Variants in GSAP observed in about 807,000 individuals in gnomAD.
The protein encoded by GSAP is gamma-secretase activating protein.
In GSAP, 118 loss-of-function variants were observed where a neutral mutation model predicts 131.7. The observed-to-expected ratio is 0.90, with a 90% CI of 0.77 to 1.04. GSAP has a LOEUF of 1.04. GSAP is among the 50% of genes least tolerant of loss of function. The pLI, the probability that GSAP is intolerant of heterozygous loss-of-function variation, is 0.00. For synonymous variants in GSAP, 381 were observed against 363.4 expected, an observed-to-expected ratio of 1.05 and a Z score of -0.55; for missense variants, 1,019 against 1,013.2, an observed-to-expected ratio of 1.01 and a Z score of -0.08.
At chr7:77,312,567 C>T (rs6974089) in intron 28 of GSAP, among the ~76,000 whole-genome samples, 1,936 of 152,256 alleles carry the variant, frequency 0.013, 33 homozygotes, top group African/African-American at 0.041. Context: ...ATTGTCTTGC[C>T]TAGAAAATTT....
At chr7:77,370,119 C>G (rs562658464) in intron 12 of GSAP, among the ~76,000 whole-genome samples, 77 of 152,246 alleles carry the variant, frequency 5.1e-4, no homozygotes, top group Admixed American at 3.3e-3. Flanking sequence ...AAAAGCCACA[C>G]TGGATTAAAG....
At chr7:77,379,760 G>T in intron 8 of GSAP, 1 of 481,952 alleles carries the variant, frequency 2.1e-6, no homozygotes, top group Non-Finnish European at 2.7e-6. Flanking sequence ...GGCCCTCTCT[G>T]TCCTTGTGCT....
intron 6 of GSAP, among the ~76,000 whole-genome samples, chr7:77,384,265 G>A (rs972929420): frequency 1.3e-5 from 2 of 152,216 alleles, no homozygotes; most frequent in Non-Finnish European, 2.9e-5. Flanking sequence ...CATGGACTGA[G>A]GTGCTGAAGA....
chr7:77,401,805 C>T (rs1262231305), intron 3 of GSAP, among the ~76,000 whole-genome samples: 1 of 152,164 alleles, frequency 6.6e-6, no homozygotes, highest in Non-Finnish European at 1.5e-5. Context: ...CAATCAAAAA[C>T]ACAGAAAGGT....
intron 12 of GSAP, among the ~76,000 whole-genome samples, chr7:77,370,919 G>A (rs1796023093): frequency 6.6e-6 from 1 of 152,044 alleles, no homozygotes; most frequent in African/African-American, 2.4e-5. Flanking sequence ...ACTTGTTTTG[G>A]TTTTCCCTTT....
At chr7:77,351,080 T>C in intron 18 of GSAP, 4 of 950,454 alleles carry the variant, frequency 4.2e-6, no homozygotes, top group Non-Finnish European at 5.0e-6. Flanking sequence ...ATTTTACTGA[T>C]ATAGAATATT....
chr7:77,409,133 C>CACT (rs1802827244), intron 1 of GSAP, among the ~76,000 whole-genome samples: 2 of 152,172 alleles, frequency 1.3e-5, no homozygotes, highest in African/African-American at 4.8e-5. Flanking sequence ...ACTCACTTCA[C>CACT]ACTGAAGGAT....
chr7:77,337,794 C>A (rs932516154), intron 19 of GSAP, among the ~76,000 whole-genome samples: 2 of 152,142 alleles, frequency 1.3e-5, no homozygotes, highest in African/African-American at 4.8e-5. Flanking sequence ...AGCTATTTTC[C>A]ATTTTTAAAA....
At chr7:77,389,533 G>A (rs1458045829) in intron 5 of GSAP, among the ~76,000 whole-genome samples, 1 of 151,282 alleles carries the variant, frequency 6.6e-6, no homozygotes, top group Non-Finnish European at 1.5e-5. Context: ...AACACGCGGT[G>A]TTTGGTTTTT....
intron 16 of GSAP, among the ~76,000 whole-genome samples, chr7:77,353,966 GA>G (rs1793280298): frequency 6.6e-6 from 1 of 152,062 alleles, no homozygotes; most frequent in Non-Finnish European, 1.5e-5. Flanking sequence ...TGGGATACAG[GA>G]AAAAAAGAAA....
intron 22 of GSAP, 92 bp from the exon 23 acceptor site, chr7:77,326,365 A>C: frequency 1.2e-6 from 1 of 823,156 alleles, no homozygotes; most frequent in South Asian, 1.6e-5. Flanking sequence ...CCCTTCTCTG[A>C]GTCATTGAGA....
intron 12 of GSAP, among the ~76,000 whole-genome samples, chr7:77,363,551 T>C (rs1416740851): frequency 6.6e-6 from 1 of 152,230 alleles, no homozygotes; most frequent in Non-Finnish European, 1.5e-5. Flanking sequence ...TGGATTTCAA[T>C]GTTTCCTCTA....
chr7:77,392,085 AGTG>A (rs1217950355), intron 5 of GSAP, among the ~76,000 whole-genome samples: 2 of 151,906 alleles, frequency 1.3e-5, no homozygotes, highest in Non-Finnish European at 2.9e-5. Context: ...ATTAGCCGGA[AGTG>A]GTGGTGGATG....
chr7:77,322,961 T>C (rs188427671), intron 24 of GSAP, among the ~76,000 whole-genome samples: 2 of 152,330 alleles, frequency 1.3e-5, no homozygotes, highest in East Asian at 1.9e-4. Flanking sequence ...ACTGGTCTTA[T>C]ACAAATTTGG....
chr7:77,402,593 C>CAAAAAAA (rs56739649), intron 3 of GSAP, among the ~76,000 whole-genome samples: 727 of 24,768 alleles, frequency 0.029, 41 homozygotes, highest in African/African-American at 0.056. Flanking sequence ...GACTCTGTCT[C>CAAAAAAA]AAAAAAAAAA....
intron 8 of GSAP, among the ~76,000 whole-genome samples, chr7:77,380,667 G>GA (rs1249564971): frequency 6.6e-6 from 1 of 150,522 alleles, no homozygotes; most frequent in Non-Finnish European, 1.5e-5. Context: ...TATTAGTGTG[G>GA]AAAAAAGTAT....
intron 25 of GSAP, 58 bp from the exon 26 acceptor site, chr7:77,320,877 T>G (rs1787549261): frequency 9.4e-7 from 1 of 1,064,254 alleles, no homozygotes; most frequent in Non-Finnish European, 1.5e-6. Context: ...GATGCTCCAT[T>G]TGTCCTAAGC....
chr7:77,333,688 T>C (rs79353380), intron 19 of GSAP, among the ~76,000 whole-genome samples: 1,524 of 152,248 alleles, frequency 0.01, 23 homozygotes, highest in African/African-American at 0.035. Flanking sequence ...AAATAGGAGA[T>C]ATAGTTAAAG....
Position 77,311,893 on chromosome 7 carries a change from C to A in GSAP, c.2421G>T (p.Leu807=). The A allele has an allele frequency of 6.2e-7, 1 of 1,604,876 alleles. No homozygotes were observed. The highest frequency in any genetic ancestry group is 1.1e-5 in the South Asian group (1 of 90,902). The change falls in exon 30 of 31, where the codon CTG becomes CTT. Residue 807 remains leucine, a synonymous_variant. Transcript: ENST00000257626. The stretch of plus-strand genomic sequence containing the variant: ...GAATTTCAATGAAGTAGTTCAGAGG[C>A]AGAAATTCTACACTGAACGATGACT... The part of the protein sequence containing the change: ...INKSSFSVEF[L]PLNYFIEILT...
Sources: allele counts gnomAD v4.1 joint callset (sites outside exome capture counted in the v4.1 genomes callset), GRCh38; gene constraint gnomAD v4.1.1; transcripts MANE v1.5; gene names NCBI Gene and HGNC (gene_info 2026-07-23, HGNC 2026-07-21).